VWA8: variants seen among roughly 807,000 people sequenced by gnomAD.
VWA8 encodes von Willebrand factor A domain containing 8.
A neutral mutation model predicts 241.5 loss-of-function variants in VWA8; 221 were observed. The ratio of observed to expected loss-of-function variants is 0.91; its 90% CI spans 0.82 to 1.02. VWA8 has a LOEUF of 1.02. Ranked by LOEUF, VWA8 falls within the 50% of genes least tolerant of loss-of-function variation. VWA8 has a pLI of 0.00. For synonymous variants in VWA8, 852 were observed against 827.1 expected (o/e 1.03, Z -0.52); for missense variants, 2,322 against 2,328.7 (o/e 1.00, Z 0.06).
At chr13:41,897,209 A>C (rs1364533373) in intron 4 of VWA8, among the ~76,000 whole-genome samples, 1 of 152,088 alleles carries the variant, frequency 6.6e-6, no homozygotes, top group Non-Finnish European at 1.5e-5. Flanking sequence ...AGGAACTCAA[A>C]TCAATTGCAA....
intron 37 of VWA8, among the ~76,000 whole-genome samples, chr13:41,650,711 C>G (rs547687006): frequency 9.9e-5 from 15 of 152,200 alleles, no homozygotes; most frequent in Non-Finnish European, 1.3e-4. Flanking sequence ...GGGACATACA[C>G]TCTGCTCTGG....
intron 17 of VWA8, among the ~76,000 whole-genome samples, chr13:41,804,302 G>T (rs568186970): frequency 3.3e-5 from 5 of 152,266 alleles, no homozygotes; most frequent in African/African-American, 1.2e-4. Flanking sequence ...GCTTCACTAG[G>T]TTTGGCAGCT....
At chr13:41,744,009 T>C (rs1204876366) in intron 21 of VWA8, among the ~76,000 whole-genome samples, 2 of 152,226 alleles carry the variant, frequency 1.3e-5, no homozygotes, top group Non-Finnish European at 2.9e-5. Flanking sequence ...CCAGAAATGC[T>C]TGGGAGGTCA....
chr13:41,841,859 AAAAACAG>A (rs1872069982), intron 12 of VWA8, among the ~76,000 whole-genome samples: 13 of 74,412 alleles, frequency 1.7e-4, no homozygotes, highest in South Asian at 4.2e-4. Context: ...ATATATATAT[AAAAACAG>A]TAGACATTTA....
chr13:41,714,980 T>C (rs2045339386), intron 26 of VWA8, among the ~76,000 whole-genome samples: 1 of 151,920 alleles, frequency 6.6e-6, no homozygotes, highest in African/African-American at 2.4e-5. Context: ...GCAATCTACA[T>C]ATCAATCTGT....
intron 37 of VWA8, among the ~76,000 whole-genome samples, chr13:41,623,492 C>T (rs12716681): frequency 0.07 from 10,652 of 152,208 alleles, 739 homozygotes; most frequent in African/African-American, 0.18. Flanking sequence ...TGAGAGGCAG[C>T]AGGGCAGAAG....
chr13:41,728,266 G>A (rs916524402), intron 23 of VWA8, among the ~76,000 whole-genome samples: 1 of 151,790 alleles, frequency 6.6e-6, no homozygotes, highest in Non-Finnish European at 1.5e-5. Flanking sequence ...AAAATAACAA[G>A]GGTATGTGGC....
chr13:41,905,731 A>G (rs1311930379), intron 4 of VWA8, among the ~76,000 whole-genome samples: 4 of 152,042 alleles, frequency 2.6e-5, no homozygotes, highest in South Asian at 4.1e-4. Flanking sequence ...TGTTAATGTT[A>G]AACGTTTTTA....
intron 12 of VWA8, 178 bp downstream of exon 12, chr13:41,865,558 A>G (rs1873250423): frequency 1.6e-6 from 1 of 633,122 alleles, no homozygotes; most frequent in African/African-American, 1.8e-5. Context: ...CCTAGAATGT[A>G]CTTTCAAAAG....
chr13:41,793,822 AT>A (rs1212942164), intron 17 of VWA8, among the ~76,000 whole-genome samples: 1 of 152,214 alleles, frequency 6.6e-6, no homozygotes, highest in African/African-American at 2.4e-5. Context: ...CTCAAAAAAA[AT>A]AAATAAATAA....
chr13:41,896,620 TAAC>T (rs953109343), intron 4 of VWA8, among the ~76,000 whole-genome samples: 4 of 152,212 alleles, frequency 2.6e-5, no homozygotes, highest in African/African-American at 9.6e-5. Context: ...TTAAGAAAAT[TAAC>T]AATACCCCTA....
At chr13:41,791,905 A>T (rs1593775452) in intron 17 of VWA8, among the ~76,000 whole-genome samples, 2 of 151,848 alleles carry the variant, frequency 1.3e-5, no homozygotes, top group South Asian at 4.1e-4. Context: ...GATATCGAGA[A>T]GTGGAATTGT....
chr13:41,929,610 CAT>C (rs1177660980), intron 2 of VWA8, among the ~76,000 whole-genome samples: 1 of 152,134 alleles, frequency 6.6e-6, no homozygotes, highest in Non-Finnish European at 1.5e-5. Flanking sequence ...TAAATTCAAA[CAT>C]ATACAGTCAA....
intron 12 of VWA8, among the ~76,000 whole-genome samples, chr13:41,854,903 A>C (rs1872675386): frequency 6.6e-6 from 1 of 152,186 alleles, no homozygotes; most frequent in Non-Finnish European, 1.5e-5. Flanking sequence ...TGAAGAGTGC[A>C]AGAAAGCATG....
At chr13:41,817,863 T>C (rs1230217968) in intron 15 of VWA8, among the ~76,000 whole-genome samples, 2 of 152,206 alleles carry the variant, frequency 1.3e-5, no homozygotes, top group Non-Finnish European at 1.5e-5. Flanking sequence ...TACTGTCCAA[T>C]AGAACCTTCT....
At chr13:41,614,944 G>A in intron 38 of VWA8, 32 bp downstream of exon 38, 1 of 1,609,208 alleles carries the variant, frequency 6.2e-7, no homozygotes, top group Non-Finnish European at 8.5e-7. Flanking sequence ...ACCTGGGGAA[G>A]GCTGACTCAG....
chr13:41,791,486 T>G (rs1869460495), intron 17 of VWA8, among the ~76,000 whole-genome samples: 1 of 151,916 alleles, frequency 6.6e-6, no homozygotes, highest in Non-Finnish European at 1.5e-5. Context: ...TGAAGACTAT[T>G]AAACATTCTA....
intron 2 of VWA8, among the ~76,000 whole-genome samples, chr13:41,938,762 A>G (rs1593884276): frequency 1.4e-5 from 2 of 143,018 alleles, no homozygotes; most frequent in Non-Finnish European, 1.6e-5. Context: ...GCAGCCCTGC[A>G]TCTTTGATTT....
At chr13:41,740,864 T>A (rs1375108147) in intron 21 of VWA8, among the ~76,000 whole-genome samples, 1 of 152,172 alleles carries the variant, frequency 6.6e-6, no homozygotes, top group Non-Finnish European at 1.5e-5. Context: ...CAAAACATCT[T>A]CAAAACTACA....
Sources: gnomAD v4.1 joint callset for allele counts (sites outside exome capture counted in the v4.1 genomes callset) on GRCh38, gnomAD v4.1.1 for gene constraint, MANE v1.5 for transcripts, NCBI Gene and HGNC (gene_info 2026-07-23, HGNC 2026-07-21) for gene names.